SKAP1: variants seen among roughly 807,000 people sequenced by gnomAD.
The protein encoded by SKAP1 is src kinase-associated phosphoprotein 1.
In SKAP1, 44 loss-of-function variants were observed where a neutral mutation model predicts 58.5. The ratio of observed to expected loss-of-function variants is 0.75; its 90% CI spans 0.59 to 0.97. The LOEUF (loss-of-function observed/expected upper bound fraction) is 0.97, where lower values mean the gene tolerates loss of function less well. Ranked by LOEUF, SKAP1 falls within the 50% of genes least tolerant of loss-of-function variation. The pLI, the probability that SKAP1 is intolerant of heterozygous loss-of-function variation, is 0.00. For missense variants in SKAP1, 390 were observed against 435.2 expected (o/e 0.90, Z 0.92); for synonymous variants, 127 against 149.7 (o/e 0.85, Z 1.11).
intron 4 of SKAP1, among the ~76,000 whole-genome samples, chr17:48,292,634 G>A (rs970134337): frequency 2.0e-5 from 3 of 152,160 alleles, no homozygotes; most frequent in Non-Finnish European, 2.9e-5. Flanking sequence ...ATATTTGGAT[G>A]AGTATTATAG....
chr17:48,438,901 A>T, the SKAP1 span, among the ~76,000 whole-genome samples: 2 of 152,150 alleles, frequency 1.3e-5, no homozygotes, highest in Non-Finnish European at 2.9e-5. Context: ...TGGCCTAGAG[A>T]TGAGGCTAGT....
At chr17:48,407,596 C>T (rs897882228) in intron 1 of SKAP1, among the ~76,000 whole-genome samples, 4 of 152,216 alleles carry the variant, frequency 2.6e-5, no homozygotes, top group Non-Finnish European at 4.4e-5. Context: ...CAGTGGCTCA[C>T]GCCTGTAATC....
At chr17:48,281,440 T>C (rs771318872) in intron 4 of SKAP1, among the ~76,000 whole-genome samples, 11 of 152,224 alleles carry the variant, frequency 7.2e-5, no homozygotes, top group Non-Finnish European at 1.5e-4. Context: ...CTAGTGCCTG[T>C]GATGCTCTCC....
intron 4 of SKAP1, among the ~76,000 whole-genome samples, chr17:48,230,525 T>A (rs2065114648): frequency 6.6e-6 from 1 of 152,120 alleles, no homozygotes; most frequent in Admixed American, 6.5e-5. Flanking sequence ...GAGGCTGAGG[T>A]GGGCAGATCG....
chr17:48,375,395 C>T (rs2067138996), intron 2 of SKAP1, among the ~76,000 whole-genome samples: 1 of 152,160 alleles, frequency 6.6e-6, no homozygotes, highest in Non-Finnish European at 1.5e-5. Flanking sequence ...AATTAAAGTA[C>T]TATTTAACAC....
intron 9 of SKAP1, among the ~76,000 whole-genome samples, chr17:48,173,696 G>A (rs535536834): frequency 5.9e-5 from 9 of 152,120 alleles, no homozygotes; most frequent in African/African-American, 1.2e-4. Flanking sequence ...CTGTCTGTGC[G>A]CAGCTGTCTC....
chr17:48,297,262 T>G (rs1410507617), intron 4 of SKAP1, among the ~76,000 whole-genome samples: 1 of 152,190 alleles, frequency 6.6e-6, no homozygotes, highest in Non-Finnish European at 1.5e-5. Context: ...ACACAAATTT[T>G]GCTAAAAGTA....
At chr17:48,406,284 A>AC (rs1234443902) in intron 1 of SKAP1, among the ~76,000 whole-genome samples, 1 of 151,980 alleles carries the variant, frequency 6.6e-6, no homozygotes, top group Admixed American at 6.6e-5. Flanking sequence ...ACAAACAAAA[A>AC]AACAACAACA....
At chr17:48,345,088 A>G (rs1245803578) in intron 4 of SKAP1, among the ~76,000 whole-genome samples, 2 of 152,172 alleles carry the variant, frequency 1.3e-5, no homozygotes, top group African/African-American at 4.8e-5. Flanking sequence ...TGATAAGAAA[A>G]CCATGCGCAT....
chr17:48,356,491 T>C (rs1197445605), intron 3 of SKAP1, among the ~76,000 whole-genome samples: 1 of 152,192 alleles, frequency 6.6e-6, no homozygotes, highest in African/African-American at 2.4e-5. Flanking sequence ...CTTCTCTTGA[T>C]CCTTCTCTCC....
At chr17:48,234,132 T>C (rs1175551656) in intron 4 of SKAP1, among the ~76,000 whole-genome samples, 5 of 152,248 alleles carry the variant, frequency 3.3e-5, no homozygotes, top group Non-Finnish European at 7.3e-5. Context: ...ATGCTGGTTA[T>C]TTAACATTTT....
chr17:48,250,565 G>A (rs949331053), intron 4 of SKAP1, among the ~76,000 whole-genome samples: 6 of 151,990 alleles, frequency 3.9e-5, no homozygotes, highest in African/African-American at 1.4e-4. Flanking sequence ...ATAGGCGTCA[G>A]CCACCACGCC....
chr17:48,260,632 T>G (rs975949344), intron 4 of SKAP1, among the ~76,000 whole-genome samples: 1 of 151,828 alleles, frequency 6.6e-6, no homozygotes, highest in African/African-American at 2.4e-5. Flanking sequence ...ACTGGAGGGG[T>G]GTGTGTGTGT....
At chr17:48,191,013 G>A (rs1369879180) in intron 4 of SKAP1, among the ~76,000 whole-genome samples, 2 of 152,066 alleles carry the variant, frequency 1.3e-5, no homozygotes, top group Non-Finnish European at 2.9e-5. Flanking sequence ...AAAAGTATGC[G>A]AAAGAATCTA....
At chr17:48,425,858 G>T in intron 1 of SKAP1, among the ~76,000 whole-genome samples, 1 of 152,034 alleles carries the variant, frequency 6.6e-6, no homozygotes, top group Admixed American at 6.6e-5. Context: ...GCAGTTCAGG[G>T]GCAACTATGG....
chr17:48,164,600 G>T (rs986847554), intron 10 of SKAP1, among the ~76,000 whole-genome samples: 3 of 152,184 alleles, frequency 2.0e-5, no homozygotes, highest in Non-Finnish European at 4.4e-5. Flanking sequence ...GAAGCTAGGA[G>T]AAAAACAGAA....
At chr17:48,153,319 C>G (rs372547632) in intron 11 of SKAP1, among the ~76,000 whole-genome samples, 37 of 152,268 alleles carry the variant, frequency 2.4e-4, no homozygotes, top group African/African-American at 8.9e-4. Context: ...GGTGTCCCCT[C>G]ATTTATAAAA....
At chr17:48,268,503 G>C (rs201256441) in intron 4 of SKAP1, among the ~76,000 whole-genome samples, 2 of 138,298 alleles carry the variant, frequency 1.4e-5, no homozygotes, top group Admixed American at 1.5e-4. Flanking sequence ...ATTTTTTTTT[G>C]TTTTTTTTGA....
chr17:48,154,230 G>A (rs2063941884), intron 11 of SKAP1, among the ~76,000 whole-genome samples: 3 of 152,232 alleles, frequency 2.0e-5, no homozygotes, highest in Non-Finnish European at 1.5e-5. Context: ...ACTGGCTGTG[G>A]AGCCAGGATC....
Sources: allele counts gnomAD v4.1 joint callset (sites outside exome capture counted in the v4.1 genomes callset), GRCh38; gene constraint gnomAD v4.1.1; transcripts MANE v1.5; gene names NCBI Gene and HGNC (gene_info 2026-07-23, HGNC 2026-07-21).